Variants in CELSR1 observed in about 807,000 individuals in gnomAD.
CELSR1 encodes the protein cadherin EGF LAG seven-pass G-type receptor 1.
A neutral mutation model predicts 249.1 loss-of-function variants in CELSR1; 110 were observed. The observed-to-expected ratio is 0.44, with a 90% CI of 0.38 to 0.52. CELSR1 has a LOEUF of 0.52. Ranked by LOEUF, CELSR1 falls within the 20% of genes least tolerant of loss-of-function variation. The pLI, the probability that CELSR1 is intolerant of heterozygous loss-of-function variation, is 0.00. For synonymous variants in CELSR1, 2,113 were observed against 1,900.0 expected (o/e 1.11, Z -2.92); for missense variants, 4,109 against 4,296.4 (o/e 0.96, Z 1.22).
rs1239389414 is a variant in CELSR1, at chr22:46,533,880, G to A, written c.3291C>T (p.Asn1097=). The A allele has an allele frequency of 6.2e-7, 1 of 1,613,568 alleles. No individual in the cohort carries two copies. The highest frequency in any genetic ancestry group is 1.3e-5 in the African/African-American group (1 of 74,950). Reference sequence around the variant, plus strand: ...TCTGGAAGTCGGGCAGCACAGGCGGGTTGTCATTCTGGTCCACGAGAAGGA... The same window carrying A: ...TCTGGAAGTCGGGCAGCACAGGCGGATTGTCATTCTGGTCCACGAGAAGGA... ...VHILLVDQND[N]PPVLPDFQIL... The change falls in exon 1 of 35, where the codon AAC becomes AAT. Residue 1097 remains asparagine (N), a synonymous_variant. Transcript: ENST00000674500.
chr22:46,462,581 C>T (rs1006469163), intron 2 of CELSR1, among the ~76,000 whole-genome samples: 2 of 150,932 alleles, frequency 1.3e-5, no homozygotes, highest in East Asian at 3.9e-4. Context: ...AGGACACAGT[C>T]GATGGAAGAG....
intron 30 of CELSR1, among the ~76,000 whole-genome samples, 180 bp downstream of exon 30, chr22:46,366,206 C>CACGGGGG (rs2147161261): frequency 2.4e-3 from 2 of 820 alleles, no homozygotes; most frequent in Non-Finnish European, 4.4e-3. Flanking sequence ...AGGGAAGGTG[C>CACGGGGG]GAGGCGGGGA....
In CELSR1 at chr22:46,364,677, C is replaced by G; in HGVS notation, c.8614G>C (p.Asp2872His). 2 of 1,612,646 alleles carry G rather than the reference C, an allele frequency of 1.2e-6. No homozygotes were observed. Among genetic ancestry groups the G allele is most frequent in the Non-Finnish European group, 1.7e-6 (2 of 1,179,910 alleles). Residue 2872 changes from aspartate (D) to histidine (H), a missense_variant, in exon 33 of 35, where the codon GAC becomes CAC. This residue lies in a region of CELSR1 where 1,805 missense variants were observed against 1,831.6 expected (regional missense o/e 0.99). Transcript: ENST00000674500. ...GGCTTGCCGCTGGGGTCCTCACTGT[C>G]ACTCTCAGCCAGGCTCTGGTCGGGC... ...GWPDQSLAESDSEDPSGKPRL... is the reference protein window; with the variant it reads ...GWPDQSLAESHSEDPSGKPRL...
Position 46,446,955 on chromosome 22 carries a change from G to T in CELSR1, c.4184-7544C>A, listed in dbSNP as rs936535990. On this transcript the variant is annotated intron_variant, in intron 2 of 34. Transcript: ENST00000674500. The surrounding 1 kb of genome is among the most constrained non-coding windows in gnomAD (Gnocchi z 5.5). ...AGAGCCAATTCAGGATTCCCCTGAG[G>T]GTTGGTGGTTAAGCACTTGCAGCAC... Among the ~76,000 whole-genome samples, 2 of 152,070 alleles carry T rather than the reference G, an allele frequency of 1.3e-5. No individual in the cohort carries two copies. The highest frequency in any genetic ancestry group is 2.9e-5 in the Non-Finnish European group (2 of 68,020).
intron 2 of CELSR1, among the ~76,000 whole-genome samples, chr22:46,461,901 G>T (rs1278194262): frequency 6.6e-6 from 1 of 152,240 alleles, no homozygotes. Context: ...CATCCAAGCT[G>T]GCCCTTCAGA....
Position 46,396,676 on chromosome 22 carries a change from G to A in CELSR1, c.5772C>T (p.Arg1924=), listed in dbSNP as rs781041463. ...NPCENMGACV[R]SPGSPQGYVC... ...CGTAGCCCTGCGGGGAGCCGGGGGA[G>A]CGCACGCAGGCCCCCATGTTCTCGC... Residue 1924 remains arginine, a synonymous_variant, in exon 13 of 35, where the codon CGC becomes CGT. Coordinates refer to ENST00000674500, the MANE Select transcript of CELSR1 (RefSeq NM_001378328.1). This position sits in a 1 kb window ranked among gnomAD's most constrained non-coding sequence, Gnocchi z 6.4. 5 of 1,612,892 alleles carry A rather than the reference G, an allele frequency of 3.1e-6. No individual in the cohort carries two copies. The highest frequency in any genetic ancestry group is 3.4e-6 in the Non-Finnish European group (4 of 1,179,574).
At position 46,434,581 on chromosome 22, in the gene CELSR1, A is replaced by G. The variant is rs1308219920; in HGVS notation, c.4523-1100T>C. On this transcript the variant is annotated intron_variant, in intron 4 of 34. Coordinates refer to ENST00000674500, the MANE Select transcript of CELSR1 (RefSeq NM_001378328.1). The surrounding 1 kb of genome is among the most constrained non-coding windows in gnomAD (Gnocchi z 4.9). The stretch of plus-strand genomic sequence containing the variant: ...TATTGAGTATAGAAAACAAAGCTCC[A>G]TCCTCCACCATCACACACATGTCAT... 6.6e-6 allele frequency among the ~76,000 whole-genome samples: 1 copy of G among 152,210 alleles called. No homozygotes were observed. Among genetic ancestry groups the G allele is most frequent in the Non-Finnish European group, 1.5e-5 (1 of 68,038 alleles).
chr22:46,533,048 G>T (rs991955953), intron 1 of CELSR1, among the ~76,000 whole-genome samples: 1 of 152,154 alleles, frequency 6.6e-6, no homozygotes, highest in Non-Finnish European at 1.5e-5. Flanking sequence ...GATCAAATGA[G>T]GCTATGCTTT....
Position 46,535,981 on chromosome 22 carries a change from C to T in CELSR1, c.1190G>A (p.Trp397Ter), listed in dbSNP as rs1292076346. The change falls in exon 1 of 35, where the codon TGG becomes TAG. Residue 397 changes from tryptophan (W) to a stop codon, truncating the protein, a stop_gained. Transcript: ENST00000674500. LOFTEE classifies it high-confidence loss of function. Reference sequence around the variant, plus strand: ...GCTCTCGTTGAGCTGGAAGACGTCCCACGCGCCCCCCAACACGCGGTAACG... The same window carrying T: ...GCTCTCGTTGAGCTGGAAGACGTCCTACGCGCCCCCCAACACGCGGTAACG... ...NLRYRVLGGA[W>*]DVFQLNESSG... 1 of 1,610,642 alleles carries T rather than the reference C, an allele frequency of 6.2e-7. No homozygotes were observed. The highest frequency in any genetic ancestry group is 1.7e-5 in the Admixed American group (1 of 60,010).
chr22:46,424,074 AT>A (rs200380476), intron 5 of CELSR1, among the ~76,000 whole-genome samples: 3,374 of 149,642 alleles, frequency 0.023, 49 homozygotes, highest in Middle Eastern at 0.034. Context: ...TTAAAAAAAA[AT>A]TTTTTTTTAA....
In CELSR1 at chr22:46,363,878, T is replaced by C; in HGVS notation, c.9035+118A>G. On this transcript the variant is annotated intron_variant, in intron 34 of 34. Coordinates refer to ENST00000674500, the MANE Select transcript of CELSR1 (RefSeq NM_001378328.1). This position sits in a 1 kb window ranked among gnomAD's most constrained non-coding sequence, Gnocchi z 4.3. ...CCCCCATCCCCGCCTGGGCTTCCTC[T>C]GCACTCAGGGCTCCAGGTGAGGTGG... 7.4e-7 allele frequency: 1 copy of C among 1,345,932 alleles called. No individual in the cohort carries two copies. Among genetic ancestry groups the C allele is most frequent in the East Asian group, 2.6e-5 (1 of 38,620 alleles). The allele number at this position is 1,345,932 out of a possible 1,614,324, so 83.4% of individuals were successfully genotyped here. A position where few individuals can be genotyped will look rare whatever the true frequency, so the allele number is the denominator to read the frequency against.
intron 3 of CELSR1, among the ~76,000 whole-genome samples, chr22:46,438,655 G>A (rs1194059189): frequency 6.6e-6 from 1 of 152,222 alleles, no homozygotes; most frequent in Non-Finnish European, 1.5e-5. Context: ...AACGTTATTG[G>A]AGGTGGAGAG....
rs889612570 is a variant in CELSR1, at chr22:46,527,289, G to A, written c.3544+6338C>T. Among the ~76,000 whole-genome samples, 2 of 152,258 alleles carry A rather than the reference G, an allele frequency of 1.3e-5. No individual in the cohort carries two copies. The highest frequency in any genetic ancestry group is 4.8e-5 in the African/African-American group (2 of 41,546). On this transcript the variant is annotated intron_variant, in intron 1 of 34. Transcript: ENST00000674500. This position sits in a 1 kb window ranked among gnomAD's most constrained non-coding sequence, Gnocchi z 5.5. ...GCCACCCCCATGCTGGAGCAAGCATGATGTCCCCAGCTTCCCTCCCCTCCA... is the reference window on the plus strand; with the variant it reads ...GCCACCCCCATGCTGGAGCAAGCATAATGTCCCCAGCTTCCCTCCCCTCCA...
intron 1 of CELSR1, among the ~76,000 whole-genome samples, chr22:46,492,553 G>A (rs937404803): frequency 4.6e-5 from 7 of 152,170 alleles, no homozygotes; most frequent in Non-Finnish European, 8.8e-5. Flanking sequence ...GCCAGGCGCA[G>A]TGGCTCACGC....
rs142174198 is a variant in CELSR1, at chr22:46,454,641, G to A, written c.4183+9066C>T. On this transcript the variant is annotated intron_variant, in intron 2 of 34. Transcript: ENST00000674500. The surrounding 1 kb of genome is among the most constrained non-coding windows in gnomAD (Gnocchi z 5.1). ...CTCACTGACTCACATTCCACACCTA[G>A]TTCAGCTCGCCCACCTCCAAGCTGT... is the stretch of plus-strand genomic sequence containing the variant. 5.3e-5 allele frequency among the ~76,000 whole-genome samples: 8 copies of A among 152,346 alleles called. No individual in the cohort carries two copies. The highest frequency in any genetic ancestry group is 5.2e-4 in the Admixed American group (8 of 15,302).
At chr22:46,533,538 C>T (rs534537937) in intron 1 of CELSR1, 89 bp downstream of exon 1, 18 of 1,487,194 alleles carry the variant, frequency 1.2e-5, no homozygotes, top group South Asian at 6.7e-5. Flanking sequence ...AATTGCGCCC[C>T]GGCATGCCAG....
At chr22:46,478,272 G>A (rs546864834) in intron 1 of CELSR1, among the ~76,000 whole-genome samples, 51 of 152,312 alleles carry the variant, frequency 3.3e-4, no homozygotes, top group African/African-American at 1.2e-3. Context: ...TGGGCCAAAG[G>A]GGAGCCATTC....
intron 1 of CELSR1, among the ~76,000 whole-genome samples, chr22:46,474,945 G>GA (rs779902452): frequency 6.6e-6 from 1 of 152,052 alleles, no homozygotes; most frequent in Non-Finnish European, 1.5e-5. Context: ...AAATCAAATG[G>GA]AAACGCACAG....
At chr22:46,376,622 A>G (rs1300874758) in intron 24 of CELSR1, among the ~76,000 whole-genome samples, 7 of 152,126 alleles carry the variant, frequency 4.6e-5, no homozygotes, top group South Asian at 2.1e-4. Flanking sequence ...TGCCTGCCTC[A>G]GCCTCCCAAA....
Sources: allele counts gnomAD v4.1 joint callset (sites outside exome capture counted in the v4.1 genomes callset), GRCh38; gene constraint gnomAD v4.1.1; regional missense constraint gnomAD v4.1.1; non-coding constraint Gnocchi (gnomAD v3.1); transcripts MANE v1.5; gene names NCBI Gene and HGNC (gene_info 2026-07-23, HGNC 2026-07-21).